GPC3: variants seen among roughly 807,000 people sequenced by gnomAD.
GPC3 encodes glypican 3.
Under a neutral mutation model 34.4 loss-of-function variants are expected in GPC3, and 3 were observed. The observed-to-expected ratio is 0.09, with a 90% CI of 0.04 to 0.23. GPC3 has a LOEUF of 0.23. GPC3 is among the 10% of genes least tolerant of loss of function. The pLI is 1.00. For missense variants in GPC3, 351 were observed against 445.6 expected, an observed-to-expected ratio of 0.79 and a Z score of 1.91; for synonymous variants, 177 against 174.0, an observed-to-expected ratio of 1.02 and a Z score of -0.13.
chrX:133,891,041 A>T (rs966624105), intron 2 of GPC3, among the ~76,000 whole-genome samples: 1 of 110,148 alleles, frequency 9.1e-6, no homozygotes, highest in East Asian at 2.8e-4. Flanking sequence ...AAAAAAAAAT[A>T]AAGAAAAATA....
At chrX:133,930,110 A>G (rs2124620733) in intron 2 of GPC3, among the ~76,000 whole-genome samples, 1 of 112,042 alleles carries the variant, frequency 8.9e-6, no homozygotes, top group Admixed American at 9.5e-5. Context: ...ACTCAGAAAA[A>G]TTAAAGAGAA....
At chrX:133,663,542 G>A (rs780247246) in intron 5 of GPC3, among the ~76,000 whole-genome samples, 1 of 111,467 alleles carries the variant, frequency 9.0e-6, no homozygotes, top group South Asian at 3.9e-4. Context: ...ATGAGCCACG[G>A]TGCCCAGCAC....
chrX:133,818,130 G>A (rs2075701453), intron 2 of GPC3, among the ~76,000 whole-genome samples: 1 of 111,397 alleles, frequency 9.0e-6, no homozygotes, highest in African/African-American at 3.3e-5. Context: ...TAAAGCAGCT[G>A]CCTTTTATCG....
chrX:133,644,539 TA>T (rs2070521432), intron 6 of GPC3, among the ~76,000 whole-genome samples: 1 of 111,817 alleles, frequency 8.9e-6, no homozygotes, highest in African/African-American at 3.2e-5. Context: ...TTTTCTGATT[TA>T]AAAAATAATT....
chrX:133,859,778 G>T (rs1379854370), intron 2 of GPC3, among the ~76,000 whole-genome samples: 1 of 112,066 alleles, frequency 8.9e-6, no homozygotes, highest in Non-Finnish European at 1.9e-5. Flanking sequence ...ATGTGTGTTA[G>T]TCTGTTTGTA....
At chrX:133,567,899 C>T (rs942510141) in intron 7 of GPC3, among the ~76,000 whole-genome samples, 1 of 111,953 alleles carries the variant, frequency 8.9e-6, no homozygotes, top group African/African-American at 3.2e-5. Context: ...GTACCAAAAC[C>T]TTTATGATAC....
intron 6 of GPC3, among the ~76,000 whole-genome samples, chrX:133,642,343 A>C (rs2070489028): frequency 1.8e-5 from 2 of 112,085 alleles, no homozygotes; most frequent in African/African-American, 6.5e-5. Flanking sequence ...AGAAGACAAA[A>C]TAGAACAGGA....
At chrX:133,883,371 A>T (rs933028987) in intron 2 of GPC3, among the ~76,000 whole-genome samples, 1 of 111,646 alleles carries the variant, frequency 9.0e-6, no homozygotes, top group Non-Finnish European at 1.9e-5. Flanking sequence ...CCAGCTTAGC[A>T]TGGCCAAACC....
intron 3 of GPC3, among the ~76,000 whole-genome samples, chrX:133,727,474 C>T (rs992434040): frequency 1.8e-5 from 2 of 110,175 alleles, no homozygotes; most frequent in Non-Finnish European, 3.8e-5. Flanking sequence ...CACTTGAACC[C>T]GGGAAGTAGA....
At position 133,866,045 on chromosome X, in the gene GPC3, A is replaced by G. The variant is rs141147443; in HGVS notation, c.337+87005T>C. Among the ~76,000 whole-genome samples, 80 of 112,335 alleles carry G rather than the reference A, an allele frequency of 7.1e-4. No individual in the cohort carries two copies. The East Asian group carries it at 0.021, about 30-fold the overall frequency. On this transcript the variant is annotated intron_variant, in intron 2 of 7. Coordinates refer to ENST00000370818, the MANE Select transcript of GPC3 (RefSeq NM_004484.4). ...ATAAAAATAGACCACAATATCTGGT[A>G]TTTCCAGACACAATCATCTGAAGCT...
At chrX:133,864,893 G>A (rs973248668) in intron 2 of GPC3, among the ~76,000 whole-genome samples, 6 of 112,469 alleles carry the variant, frequency 5.3e-5, no homozygotes, top group Non-Finnish European at 9.4e-5. Flanking sequence ...ATAGCTTATG[G>A]AAACATACCT....
At chrX:133,605,134 T>G (rs1417110248) in intron 6 of GPC3, among the ~76,000 whole-genome samples, 3 of 107,382 alleles carry the variant, frequency 2.8e-5, no homozygotes, top group Non-Finnish European at 5.7e-5. Context: ...CCCAAATGTA[T>G]AGGCCTAGAA....
intron 2 of GPC3, among the ~76,000 whole-genome samples, chrX:133,929,200 A>G (rs1375028829): frequency 2.7e-5 from 3 of 112,056 alleles, no homozygotes; most frequent in Admixed American, 9.5e-5. Context: ...TGAAAAGACT[A>G]TTCTTTCTCC....
Position 133,610,953 on chromosome X carries a change from C to T in GPC3, c.1414-14354G>A, listed in dbSNP as rs191094793. The stretch of plus-strand genomic sequence containing the variant: ...CCAACCCCGACTTTACAGGGGAAGA[C>T]AGAAAGTCTACGAAGACAATAGATA... On this transcript the variant is annotated intron_variant, in intron 6 of 7. Coordinates refer to ENST00000370818, the MANE Select transcript of GPC3 (RefSeq NM_004484.4). 1.7e-3 allele frequency among the ~76,000 whole-genome samples: 187 copies of T among 107,308 alleles called. 1 individual carries two copies. The highest frequency in any genetic ancestry group is 6.1e-3 in the African/African-American group (179 of 29,345). 93.2% of individuals were successfully genotyped at this position (107,308 alleles called of 115,157 possible). A position where few individuals can be genotyped will look rare whatever the true frequency, so the allele number is the denominator to read the frequency against.
intron 2 of GPC3, among the ~76,000 whole-genome samples, chrX:133,948,977 T>C (rs2076381272): frequency 1.8e-5 from 2 of 112,235 alleles, no homozygotes; most frequent in African/African-American, 6.5e-5. Context: ...TGCATGCATA[T>C]GGTGTTTTAC....
chrX:133,781,280 A>G (rs2072041844), intron 2 of GPC3, among the ~76,000 whole-genome samples: 1 of 111,839 alleles, frequency 8.9e-6, no homozygotes, highest in Non-Finnish European at 1.9e-5. Flanking sequence ...CTCATCCACA[A>G]AAATGTAATG....
At chrX:133,766,756 A>G (rs1182797220) in intron 2 of GPC3, among the ~76,000 whole-genome samples, 3 of 112,074 alleles carry the variant, frequency 2.7e-5, no homozygotes, top group Non-Finnish European at 5.6e-5. Context: ...CAGCAATGAA[A>G]CACAGAACTC....
intron 3 of GPC3, among the ~76,000 whole-genome samples, chrX:133,710,346 ACT>A (rs1299731294): frequency 1.8e-5 from 2 of 111,607 alleles, no homozygotes; most frequent in African/African-American, 6.5e-5. Flanking sequence ...TTTCCTTGAA[ACT>A]CAGCCTCCTC....
rs769696321 is a variant in GPC3 at position 133,841,215 on chromosome X, ATT to A, written c.338-87041_338-87040del. Among the ~76,000 whole-genome samples, 67 of 39,245 alleles carry A rather than the reference ATT, an allele frequency of 1.7e-3. 3 individuals carry two copies. In the South Asian group the frequency reaches 0.022, roughly 13 times the overall value. The allele number at this position is 39,245 out of a possible 115,157, so 34.1% of individuals were successfully genotyped here. ...ACCACCATGCCTGGCTAATCTTTTAATTTTTTTTTTTTTTTTTTTTTTTGGTA... is the reference window on the plus strand; with the variant it reads ...ACCACCATGCCTGGCTAATCTTTTAATTTTTTTTTTTTTTTTTTTTTGGTA... On this transcript the variant is annotated intron_variant, in intron 2 of 7. Transcript: ENST00000370818.
Sources: allele counts gnomAD v4.1 joint callset (sites outside exome capture counted in the v4.1 genomes callset), GRCh38; gene constraint gnomAD v4.1.1; transcripts MANE v1.5; gene names NCBI Gene and HGNC (gene_info 2026-07-23, HGNC 2026-07-21).